MED12: variants seen among roughly 807,000 people sequenced by gnomAD.
MED12 encodes mediator complex subunit 12.
Under a neutral mutation model 177.7 loss-of-function variants are expected in MED12, and 10 were observed. The ratio of observed to expected loss-of-function variants is 0.06; its 90% CI spans 0.03 to 0.10. The LOEUF is 0.10. Among genes scored for constraint, MED12 ranks in the 10% least tolerant of loss-of-function variants. The pLI is 1.00. For missense variants in MED12, 867 were observed against 1,780.8 expected (o/e 0.49, Z 9.23); for synonymous variants, 641 against 678.4 (o/e 0.94, Z 0.86).
At chrX:71,127,290 C>T (rs1228855852) in intron 20 of MED12, 46 bp from the exon 21 acceptor site, 2 of 1,203,028 alleles carry the variant, frequency 1.7e-6, no homozygotes. Flanking sequence ...TTTGGAGGAG[C>T]CCGCATACCA....
rs1317622485 is a variant in MED12, at chrX:71,121,653, G to A, written c.938G>A (p.Ser313Asn). The A allele has an allele frequency of 1.7e-6, 2 of 1,211,539 alleles. No individual in the cohort carries two copies. The highest frequency in any genetic ancestry group is 2.2e-6 in the Non-Finnish European group (2 of 895,515). Residue 313 changes from serine (S) to asparagine (N), a missense_variant, in exon 7 of 45, where the codon AGC becomes AAC. Transcript: ENST00000374080. Reference sequence around the variant, plus strand: ...CTGGCCCTGCAGCTGGATGGTGTGAGCAGTCACTCATCTCATGTTATATCT... The same window carrying A: ...CTGGCCCTGCAGCTGGATGGTGTGAACAGTCACTCATCTCATGTTATATCT... ...RRLALQLDGV[S>N]SHSSHVISAQ... is the part of the protein sequence containing the mutation.
Position 71,126,346 on chromosome X carries a change from C to T in MED12, c.2547C>T (p.Ser849=). 8.3e-7 allele frequency: 1 copy of T among 1,212,021 alleles called. No individual in the cohort carries two copies. The highest frequency in any genetic ancestry group is 1.1e-6 in the Non-Finnish European group (1 of 895,534). ...YDQHQVTAQV[S]RNVLEQITSF... Reference sequence around the variant, plus strand: ...ACTCCCACTGCCCTTATCAGGTCTCCCGGAATGTTCTGGAGCAGATCACGA... The same window carrying T: ...ACTCCCACTGCCCTTATCAGGTCTCTCGGAATGTTCTGGAGCAGATCACGA... The change falls in exon 19 of 45, where the codon TCC becomes TCT. Residue 849 remains serine, a synonymous_variant. Coordinates refer to ENST00000374080, the MANE Select transcript of MED12 (RefSeq NM_005120.3).
At chrX:71,129,656 C>T (rs887640699) in intron 26 of MED12, 24 bp from the exon 27 acceptor site, 2 of 1,171,733 alleles carry the variant, frequency 1.7e-6, no homozygotes, top group Non-Finnish European at 2.3e-6. Flanking sequence ...TCTGCCCTCC[C>T]TATCTCCCAC....
chrX:71,129,088 C>G (rs371208027), intron 24 of MED12, 26 bp from the exon 25 acceptor site: 9 of 1,148,013 alleles, frequency 7.8e-6, no homozygotes, highest in Non-Finnish European at 1.1e-5. Flanking sequence ...TTCATCCCTT[C>G]CAGATCTGTT....
Position 71,132,411 on chromosome X carries a change from C to T in MED12, c.4288C>T (p.Pro1430Ser). ...GCGCTCTGGTGTATGGCTGGTGGCC[C>T]CCCTCATTGCTAAACTGCCCACCTC... Reference protein sequence around the residue: ...LERSGVWLVAPLIAKLPTSVQ... With the variant: ...LERSGVWLVASLIAKLPTSVQ... The change falls in exon 31 of 45, where the codon CCC becomes TCC. Residue 1430 changes from proline (P) to serine (S), a missense_variant. By Grantham distance (74) the Pro-to-Ser change is moderately conservative. This residue lies in a region of MED12 where 17 missense variants were observed against 76.7 expected (regional missense o/e 0.22). Transcript: ENST00000374080. 1 of 1,211,011 alleles carries T rather than the reference C, an allele frequency of 8.3e-7. No homozygotes were observed. The highest frequency in any genetic ancestry group is 1.1e-6 in the Non-Finnish European group (1 of 895,259).
In MED12 at chrX:71,124,512, G is replaced by A. The variant is rs2092297891; in HGVS notation, c.1974+124G>A. 3 of 558,265 alleles carry A rather than the reference G, an allele frequency of 5.4e-6. No homozygotes were observed. In the South Asian group the frequency reaches 8.1e-5, roughly 15 times the overall value. The allele number at this position is 558,265 out of a possible 1,213,427, so 46.0% of individuals were successfully genotyped here. ...GGTAGTATTTTTCTTAGCACTTGGT[G>A]ATTGACCAAGCACTCTCACATCAAT... On this transcript the variant is annotated intron_variant, in intron 13 of 44. Coordinates refer to ENST00000374080, the MANE Select transcript of MED12 (RefSeq NM_005120.3).
In MED12 at chrX:71,132,021, C is replaced by T. The variant is rs1221050195; in HGVS notation, c.4120-52C>T. The T allele has an allele frequency of 5.9e-5, 68 of 1,146,402 alleles. No individual in the cohort carries two copies. In the South Asian group the frequency reaches 9.8e-4, roughly 16 times the overall value. 94.5% of individuals were successfully genotyped at this position (1,146,402 alleles called of 1,213,427 possible). Reference sequence around the variant, plus strand: ...CCGATCTCTCCTACCATCTGCTTTCCTTCACCCTTAGCTACCTATTTTAGC... The same window carrying T: ...CCGATCTCTCCTACCATCTGCTTTCTTTCACCCTTAGCTACCTATTTTAGC... On this transcript the variant is annotated intron_variant, in intron 29 of 44. Coordinates refer to ENST00000374080, the MANE Select transcript of MED12 (RefSeq NM_005120.3).
At chrX:71,123,453 T>A (rs1229009010) in intron 11 of MED12, 141 bp from the exon 12 acceptor site, 6 of 808,527 alleles carry the variant, frequency 7.4e-6, no homozygotes, top group Middle Eastern at 4.2e-4. Flanking sequence ...TGGGAGGTGG[T>A]AAAGAACATG....
rs757508922 is a variant in MED12, at chrX:71,141,301, A to C, written c.6339A>C (p.Gln2113His). The change falls in exon 43 of 45, where the codon CAA (glutamine) becomes CAC (histidine). Residue 2113 changes from glutamine to histidine, a missense_variant. By Grantham distance (24) the Gln-to-His change is conservative. Coordinates refer to ENST00000374080, the MANE Select transcript of MED12 (RefSeq NM_005120.3). ...AACAGCAGCAGCAGCAACAGCAACA[A>C]CAGCAACACCAGCAGCAACAGCAGC... ...QQQQQQQQQQQQQHQQQQQQQ... is the reference protein window; with the variant it reads ...QQQQQQQQQQHQQHQQQQQQQ... The C allele has an allele frequency of 4.3e-6, 5 of 1,165,377 alleles. No homozygotes were observed. The highest frequency in any genetic ancestry group is 5.7e-6 in the Non-Finnish European group (5 of 871,594).
intron 29 of MED12, 111 bp from the exon 30 acceptor site, chrX:71,131,962 C>A: frequency 1.4e-6 from 1 of 711,563 alleles, no homozygotes; most frequent in Admixed American, 2.3e-5. Flanking sequence ...ATCTCCCCAT[C>A]AATCTCCGCC....
In MED12 at chrX:71,130,234, G is replaced by A. The variant is rs924668185; in HGVS notation, c.4047+20G>A. On this transcript the variant is annotated intron_variant, in intron 28 of 44. Coordinates refer to ENST00000374080, the MANE Select transcript of MED12 (RefSeq NM_005120.3). ...CTCCAGGTAGGCCAAGGCCGTGGGG[G>A]CTGTGGAGGAAGCAGTGGGCCCAAT... 3.3e-6 allele frequency: 4 copies of A among 1,194,290 alleles called. No homozygotes were observed. In the African/African-American group the frequency reaches 5.2e-5, roughly 16 times the overall value.
rs2147822394 is a variant in MED12, at chrX:71,134,757, A to G, written c.4772A>G (p.Asn1591Ser). The G allele has an allele frequency of 8.3e-7, 1 of 1,211,223 alleles. No individual in the cohort carries two copies. The highest frequency in any genetic ancestry group is 1.1e-6 in the Non-Finnish European group (1 of 895,283). ...TTGGACATGCTGAGCGTGCTCATCA[A>G]TGGGACATTGGCTGCAGACATGTCT... ...TVLDMLSVLI[N>S]GTLAADMSSI... The change falls in exon 35 of 45, where the codon AAT becomes AGT. Residue 1591 changes from asparagine (N) to serine (S), a missense_variant. This residue lies in a region of MED12 where 36 missense variants were observed against 141.5 expected (regional missense o/e 0.25). Transcript: ENST00000374080.
rs576733100 is a variant in MED12 at position 71,123,714 on chromosome X, A to G, written c.1738A>G (p.Met580Val). ...LLQFLDTQAPMLTDPRSESER... is the reference protein window; with the variant it reads ...LLQFLDTQAPVLTDPRSESER... ...GCAGTTTCTGGATACACAGGCTCCC[A>G]TGCTGAGTACGGACCCCTACCACTC... Residue 580 changes from methionine (M) to valine (V), a missense_variant, in exon 12 of 45, where the codon ATG (methionine) becomes GTG (valine). Physicochemically the swap from Met to Val is conservative, Grantham distance 21. This residue lies in a region of MED12 where 309 missense variants were observed against 556.3 expected (regional missense o/e 0.56). Coordinates refer to ENST00000374080, the MANE Select transcript of MED12 (RefSeq NM_005120.3). The G allele has an allele frequency of 1.0e-5, 12 of 1,194,370 alleles. No individual in the cohort carries two copies. In the Admixed American group the frequency reaches 1.1e-4, roughly 11 times the overall value.
rs2092301341 is a variant in MED12 at position 71,125,731 on chromosome X, C to T, written c.2422+18C>T. ...ATTCTTAGGTACCTCACAGTAAGCC[C>T]CATACTGCCCTCCCTCCCTCTCCCT... On this transcript the variant is annotated intron_variant, in intron 17 of 44. Coordinates refer to ENST00000374080, the MANE Select transcript of MED12 (RefSeq NM_005120.3). 1 of 1,187,719 alleles carries T rather than the reference C, an allele frequency of 8.4e-7. No homozygotes were observed.
intron 26 of MED12, 66 bp from the exon 27 acceptor site, chrX:71,129,614 A>G (rs1382141059): frequency 8.7e-7 from 1 of 1,145,009 alleles, no homozygotes. Flanking sequence ...CTGTGGGCCC[A>G]GGGTGGGTCT....
intron 41 of MED12, among the ~76,000 whole-genome samples, chrX:71,138,767 AGAAAG>A (rs2092339152): frequency 9.1e-6 from 1 of 110,469 alleles, no homozygotes; most frequent in African/African-American, 3.3e-5. Flanking sequence ...AAAAAAAAGA[AGAAAG>A]AAAAGAAAAA....
At chrX:71,123,376 G>A (rs897900105) in intron 11 of MED12, 150 bp downstream of exon 11, 9 of 871,698 alleles carry the variant, frequency 1.0e-5, no homozygotes, top group South Asian at 8.9e-5. Flanking sequence ...GCAAAGTTAC[G>A]GACGTGAGGC....
intron 20 of MED12, 84 bp downstream of exon 20, chrX:71,127,216 A>C: frequency 8.7e-7 from 1 of 1,151,696 alleles, no homozygotes; most frequent in Non-Finnish European, 1.2e-6. Context: ...ACTTCCTCAC[A>C]CTCTGGGGAA....
In MED12 at chrX:71,124,214, C is replaced by T. The variant is rs2147789427; in HGVS notation, c.1800C>T (p.Phe600=). The change falls in exon 13 of 45, where the codon TTC becomes TTT. Residue 600 remains phenylalanine (F), a synonymous_variant. Transcript: ENST00000374080. ...AATTCTTTAACTTAGTACTGCTGTTCTGTGAACTGATTCGACATGATGTTT... is the reference window on the plus strand; with the variant it reads ...AATTCTTTAACTTAGTACTGCTGTTTTGTGAACTGATTCGACATGATGTTT... ...RVEFFNLVLL[F]CELIRHDVFS... The T allele has an allele frequency of 1.7e-6, 2 of 1,211,533 alleles. No individual in the cohort carries two copies. Among genetic ancestry groups the T allele is most frequent in the South Asian group, 3.5e-5 (2 of 56,978 alleles).
Sources: allele counts gnomAD v4.1 joint callset (sites outside exome capture counted in the v4.1 genomes callset), GRCh38; gene constraint gnomAD v4.1.1; regional missense constraint gnomAD v4.1.1; transcripts MANE v1.5; gene names NCBI Gene and HGNC (gene_info 2026-07-23, HGNC 2026-07-21).